Variants in TNFSF13B observed in about 807,000 individuals in gnomAD.
TNFSF13B encodes the protein tumor necrosis factor ligand superfamily member 13B.
TNFSF13B carries 8 observed loss-of-function variants against 29.1 expected under a neutral mutation model. The ratio of observed to expected loss-of-function variants is 0.27; its 90% confidence interval spans 0.16 to 0.50. The LOEUF (loss-of-function observed/expected upper bound fraction) is 0.50. TNFSF13B is among the 20% of genes least tolerant of loss of function. The pLI, the probability that TNFSF13B is intolerant of heterozygous loss-of-function variation, is 0.98. For synonymous variants in TNFSF13B, 125 were observed against 130.8 expected (o/e 0.96, Z 0.30); for missense variants, 248 against 334.9 (o/e 0.74, Z 2.03).
intron 3 of TNFSF13B, among the ~76,000 whole-genome samples, chr13:108,288,280 C>T (rs1391253086): frequency 6.6e-6 from 1 of 152,068 alleles, no homozygotes; most frequent in Non-Finnish European, 1.5e-5. Context: ...TAAGAATATA[C>T]AATATTTTAA....
chr13:108,304,892 C>T (rs1388790633), intron 5 of TNFSF13B, among the ~76,000 whole-genome samples: 3 of 152,058 alleles, frequency 2.0e-5, no homozygotes, highest in African/African-American at 7.2e-5. Context: ...GAGATGTTTC[C>T]CTTCACCCAG....
Position 108,286,808 on chromosome 13 carries a change from C to A in TNFSF13B, c.430C>A (p.Gln144Lys). 6.4e-7 allele frequency: 1 copy of A among 1,569,638 alleles called. No homozygotes were observed. Among genetic ancestry groups the A allele is most frequent in the Non-Finnish European group, 8.7e-7 (1 of 1,152,596 alleles). Reference protein sequence around the residue: ...AVQGPEETVTQDCLQLIADSE... With the variant: ...AVQGPEETVTKDCLQLIADSE... ...GATAAATTTTTGCTTTTTAGTCACT[C>A]AAGACTGCTTGCAACTGATTGCAGA... The change falls in exon 3 of 6, where the codon CAA (glutamine) becomes AAA (lysine). Residue 144 changes from glutamine (Q) to lysine (K), a missense_variant. Transcript: ENST00000375887.
At chr13:108,284,106 G>A (rs963697113) in intron 2 of TNFSF13B, among the ~76,000 whole-genome samples, 1 of 152,130 alleles carries the variant, frequency 6.6e-6, no homozygotes, top group Admixed American at 6.5e-5. Flanking sequence ...GAGGTGGGCG[G>A]TTCACGAGGT....
intron 3 of TNFSF13B, among the ~76,000 whole-genome samples, chr13:108,301,599 A>G (rs1881625173): frequency 6.6e-6 from 1 of 152,210 alleles, no homozygotes. Context: ...AGTCAAATTC[A>G]AAGAAGTAGA....
At chr13:108,278,893 A>G (rs1033472710) in intron 2 of TNFSF13B, among the ~76,000 whole-genome samples, 8 of 152,132 alleles carry the variant, frequency 5.3e-5, no homozygotes, top group Non-Finnish European at 1.0e-4. Context: ...TTTTAGGAAA[A>G]TGGTGCACAA....
intron 3 of TNFSF13B, among the ~76,000 whole-genome samples, chr13:108,292,917 T>G (rs1412114245): frequency 6.6e-6 from 1 of 152,174 alleles, no homozygotes. Flanking sequence ...CACAAGAGTG[T>G]TGTACATCAG....
chr13:108,300,480 C>A lies in TNFSF13B; in HGVS notation c.482-2773C>A, dbSNP rs1381397998. On this transcript the variant is annotated intron_variant, in intron 3 of 5. Transcript: ENST00000375887. ...ATGAAAGCAACTGCCTTGGTGAAGT[C>A]ATCAGTTTGTGTTTTACAATAATGA... Among the ~76,000 whole-genome samples, 7 of 152,264 alleles carry A rather than the reference C, an allele frequency of 4.6e-5. No homozygotes were observed. In the East Asian group the frequency reaches 1.4e-3, roughly 29 times the overall value.
At chr13:108,305,570 T>C (rs1881749094) in intron 5 of TNFSF13B, among the ~76,000 whole-genome samples, 1 of 152,160 alleles carries the variant, frequency 6.6e-6, no homozygotes, top group Non-Finnish European at 1.5e-5. Context: ...TCTATGAAAA[T>C]GACAAGTCTG....
At chr13:108,295,005 A>G (rs574125130) in intron 3 of TNFSF13B, among the ~76,000 whole-genome samples, 2 of 145,562 alleles carry the variant, frequency 1.4e-5, no homozygotes, top group Non-Finnish European at 3.0e-5. Context: ...AATTATTATA[A>G]ATAATAAAAA....
intron 3 of TNFSF13B, among the ~76,000 whole-genome samples, chr13:108,291,980 T>C (rs2139059736): frequency 6.6e-6 from 1 of 152,270 alleles, no homozygotes; most frequent in South Asian, 2.1e-4. Context: ...TATCTTTTTA[T>C]TGAAATTAAA....
Position 108,295,178 on chromosome 13 carries a change from C to T in TNFSF13B, c.482-8075C>T, listed in dbSNP as rs1365056379. Reference sequence around the variant, plus strand: ...CCAGTTTTCAGTGTTATTGTTTCGTCTTTTTCTGTTCTTTTTTTGAGATGG... The same window carrying T: ...CCAGTTTTCAGTGTTATTGTTTCGTTTTTTTCTGTTCTTTTTTTGAGATGG... On this transcript the variant is annotated intron_variant, in intron 3 of 5. Transcript: ENST00000375887. Among the ~76,000 whole-genome samples the T allele has an allele frequency of 3.5e-5, 5 of 143,936 alleles. 1 individual carries two copies. The highest frequency in any genetic ancestry group is 5.2e-5 in the African/African-American group (2 of 38,170). The allele number at this position is 143,936 out of a possible 152,430, so 94.4% of individuals were successfully genotyped here. A position where few individuals can be genotyped will look rare whatever the true frequency, so the allele number is the denominator to read the frequency against.
chr13:108,306,271 A>C (rs550705581), intron 5 of TNFSF13B, among the ~76,000 whole-genome samples: 1 of 152,098 alleles, frequency 6.6e-6, no homozygotes, highest in Non-Finnish European at 1.5e-5. Context: ...AGTAATCCAG[A>C]TAATGCTTAA....
intron 5 of TNFSF13B, 67 bp downstream of exon 5, chr13:108,303,671 C>T: frequency 6.7e-7 from 1 of 1,497,212 alleles, no homozygotes; most frequent in Non-Finnish European, 9.0e-7. Flanking sequence ...ATCTGAGCTG[C>T]AAAATGCAAA....
chr13:108,282,070 T>C (rs527796942), intron 2 of TNFSF13B, among the ~76,000 whole-genome samples: 2 of 152,288 alleles, frequency 1.3e-5, no homozygotes, highest in African/African-American at 4.8e-5. Context: ...AGATCCTCCT[T>C]CTTTAAAAAC....
At chr13:108,276,154 G>C (rs1418259826) in intron 2 of TNFSF13B, among the ~76,000 whole-genome samples, 3 of 152,190 alleles carry the variant, frequency 2.0e-5, no homozygotes, top group Non-Finnish European at 4.4e-5. Context: ...AGTGTTGGAA[G>C]CGTGCAATGT....
At chr13:108,273,325 T>C (rs1880672457) in intron 2 of TNFSF13B, among the ~76,000 whole-genome samples, 2 of 152,112 alleles carry the variant, frequency 1.3e-5, no homozygotes, top group Non-Finnish European at 2.9e-5. Flanking sequence ...CTTTGAAATG[T>C]TGAAAATATT....
At chr13:108,297,893 A>G (rs1352968956) in intron 3 of TNFSF13B, among the ~76,000 whole-genome samples, 1 of 145,922 alleles carries the variant, frequency 6.9e-6, no homozygotes, top group East Asian at 1.9e-4. Context: ...ACAAATGCAT[A>G]ATGGCATGTA....
chr13:108,283,719 C>T (rs1881030385), intron 2 of TNFSF13B, among the ~76,000 whole-genome samples: 1 of 152,244 alleles, frequency 6.6e-6, no homozygotes, highest in African/African-American at 2.4e-5. Flanking sequence ...TTCAGGGGGC[C>T]GGAAGTCCAA....
Position 108,284,190 on chromosome 13 carries a change from A to G in TNFSF13B, c.425-2613A>G, listed in dbSNP as rs370115903. ...TAAAAATACAAAGAATTAGCCAGGCATGGTGGCGGGCACCTGTAGTCCCAG... is the reference window on the plus strand; with the variant it reads ...TAAAAATACAAAGAATTAGCCAGGCGTGGTGGCGGGCACCTGTAGTCCCAG... On this transcript the variant is annotated intron_variant, in intron 2 of 5. Transcript: ENST00000375887. 2.6e-4 allele frequency among the ~76,000 whole-genome samples: 39 copies of G among 152,274 alleles called. 1 individual carries two copies. The East Asian group carries it at 4.4e-3, about 17-fold the overall frequency.
Sources: allele counts gnomAD v4.1 joint callset (sites outside exome capture counted in the v4.1 genomes callset), GRCh38; gene constraint gnomAD v4.1.1; transcripts MANE v1.5; gene names NCBI Gene and HGNC (gene_info 2026-07-23, HGNC 2026-07-21).